DDX42: variants seen among roughly 807,000 people sequenced by gnomAD.
DDX42 encodes ATP-dependent RNA helicase DDX42.
Under a neutral mutation model 101.5 loss-of-function variants are expected in DDX42, and 22 were observed. The ratio of observed to expected loss-of-function variants is 0.22; its 90% CI spans 0.15 to 0.31. DDX42 has a LOEUF of 0.31. Among genes scored for constraint, DDX42 ranks in the 10% least tolerant of loss-of-function variants. The pLI is 1.00. For synonymous variants in DDX42, 402 were observed against 401.2 expected (o/e 1.00, Z -0.02); for missense variants, 849 against 1,199.9 (o/e 0.71, Z 4.32).
Position 63,798,142 on chromosome 17 carries a change from G to C in DDX42, c.434+43G>C, listed in dbSNP as rs756955368. The stretch of plus-strand genomic sequence containing the variant: ...CCCTCACAAAGGTTACGTGAAAACT[G>C]CTGAAGTATTGCAAAGTCTATTCCC... On this transcript the variant is annotated intron_variant, in intron 4 of 17. Transcript: ENST00000389924. 3.8e-6 allele frequency: 6 copies of C among 1,586,758 alleles called. No homozygotes were observed. The East Asian group carries it at 1.1e-4, about 30-fold the overall frequency.
At chr17:63,809,052 G>A in intron 10 of DDX42, 104 bp downstream of exon 10, 1 of 1,472,078 alleles carries the variant, frequency 6.8e-7, no homozygotes, top group Non-Finnish European at 9.2e-7. Flanking sequence ...AAGCAGGGTT[G>A]AAAATATACT....
At chr17:63,813,498 C>A in intron 15 of DDX42, 44 bp downstream of exon 15, 1 of 1,561,660 alleles carries the variant, frequency 6.4e-7, no homozygotes, top group Non-Finnish European at 8.8e-7. Flanking sequence ...GTTATAAGAC[C>A]AAGACATTTT....
chr17:63,787,134 C>A lies in DDX42; in HGVS notation c.85C>A (p.Pro29Thr). ...CATCAGTGCTGGGAAAAAGGAGGAA[C>A]CCAAACTCCCACAGCAGTCCCACAG... Reference protein sequence around the residue: ...FAISAGKKEEPKLPQQSHSAF... With the variant: ...FAISAGKKEETKLPQQSHSAF... The change falls in exon 2 of 18, where the codon CCC (proline) becomes ACC (threonine). Residue 29 changes from proline to threonine, a missense_variant. Pro to Thr is a conservative substitution (Grantham distance 38). Transcript: ENST00000389924. The A allele has an allele frequency of 2.5e-6, 4 of 1,614,186 alleles. No individual in the cohort carries two copies. Among genetic ancestry groups the A allele is most frequent in the Non-Finnish European group, 3.4e-6 (4 of 1,180,046 alleles).
chr17:63,808,919 GA>G lies in DDX42; in HGVS notation c.1124del (p.Glu375GlyfsTer13), dbSNP rs765715778. 1 of 1,614,004 alleles carries G rather than the reference GA, an allele frequency of 6.2e-7. No homozygotes were observed. The highest frequency in any genetic ancestry group is 1.1e-5 in the South Asian group (1 of 91,068). ...GTGGGAGCAGGCCAAGGCCCTTCAG[GA>G]GGGGGCAGAGATTGTTGTGTGTACC... ...SMWEQAKALQ[E>X]GAEIVVCTPG... On this transcript the variant is annotated frameshift_variant, in exon 10 of 18. Transcript: ENST00000389924. LOFTEE classifies it high-confidence loss of function.
chr17:63,806,720 A>G, intron 8 of DDX42, 66 bp downstream of exon 8: 1 of 1,507,374 alleles, frequency 6.6e-7, no homozygotes, highest in Non-Finnish European at 8.9e-7. Context: ...TAATTTAAAA[A>G]CAAATCACAG....
chr17:63,787,018 A>G lies in DDX42; in HGVS notation c.-16-16A>G. On this transcript the variant is annotated splice_polypyrimidine_tract_variant and intron_variant, in intron 1 of 17. Transcript: ENST00000389924. ...TTTTAAGTTTAATTTATATTTGTGT[A>G]TCTTATTCCTAACAGGTCAGTCATT... 3.7e-6 allele frequency: 6 copies of G among 1,612,582 alleles called. No individual in the cohort carries two copies. The highest frequency in any genetic ancestry group is 1.1e-5 in the South Asian group (1 of 90,950).
At chr17:63,787,311 T>C in intron 2 of DDX42, 41 bp downstream of exon 2, 1 of 1,589,096 alleles carries the variant, frequency 6.3e-7, no homozygotes, top group Non-Finnish European at 8.6e-7. Flanking sequence ...GTTTGGACTT[T>C]GATATATTCA....
At chr17:63,786,719 C>G (rs1426217417) in intron 1 of DDX42, among the ~76,000 whole-genome samples, 2 of 152,228 alleles carry the variant, frequency 1.3e-5, no homozygotes, top group African/African-American at 4.8e-5. Context: ...GCTGTGTCGC[C>G]CAGGCTGGAG....
At chr17:63,786,280 C>T (rs1371076070) in intron 1 of DDX42, among the ~76,000 whole-genome samples, 5 of 152,104 alleles carry the variant, frequency 3.3e-5, no homozygotes, top group South Asian at 2.1e-4. Context: ...CTATGTTGCC[C>T]AGGCTGGAAT....
chr17:63,808,466 G>C (rs1227243819), intron 9 of DDX42, among the ~76,000 whole-genome samples: 2 of 152,146 alleles, frequency 1.3e-5, no homozygotes, highest in Admixed American at 6.5e-5. Context: ...GAGCCACTGT[G>C]CCCGGCCAGA....
chr17:63,785,361 A>T (rs2039534389), intron 1 of DDX42, among the ~76,000 whole-genome samples: 1 of 152,098 alleles, frequency 6.6e-6, no homozygotes, highest in South Asian at 2.1e-4. Flanking sequence ...GAGGCATGAG[A>T]ATCACTTGAA....
Position 63,811,991 on chromosome 17 carries a change from C to T in DDX42, c.1458C>T (p.Asn486=), listed in dbSNP as rs912940027. The change falls in exon 14 of 18, where the codon AAC becomes AAT. Residue 486 remains asparagine (N), a synonymous_variant. Transcript: ENST00000389924. ...TCCATTCTGGACCTAGTAAATGGAACTGGCTTACCCGGCGTCTGGTAGAAT... is the reference window on the plus strand; with the variant it reads ...TCCATTCTGGACCTAGTAAATGGAATTGGCTTACCCGGCGTCTGGTAGAAT... ...EILHSGPSKW[N]WLTRRLVEFT... The T allele has an allele frequency of 4.3e-6, 7 of 1,614,082 alleles. No homozygotes were observed. In the Admixed American group the frequency reaches 1.2e-4, roughly 27 times the overall value.
Position 63,818,505 on chromosome 17 carries a change from C to G in DDX42, c.*107C>G, listed in dbSNP as rs2144597505. 1 of 1,000,804 alleles carries G rather than the reference C, an allele frequency of 1.0e-6. No homozygotes were observed. Among genetic ancestry groups the G allele is most frequent in the East Asian group, 2.6e-5 (1 of 38,158 alleles). 62.0% of individuals were successfully genotyped at this position (1,000,804 alleles called of 1,614,324 possible). On this transcript the variant is annotated 3_prime_UTR_variant, in exon 18 of 18. Transcript: ENST00000389924. Reference sequence around the variant, plus strand: ...GGGTCCAAAGTGTAAGGACCCCCTGCCCTTAGTGGAGAGCTGGAGCTTGGA... The same window carrying G: ...GGGTCCAAAGTGTAAGGACCCCCTGGCCTTAGTGGAGAGCTGGAGCTTGGA...
intron 3 of DDX42, among the ~76,000 whole-genome samples, chr17:63,792,924 T>G (rs918255734): frequency 6.6e-6 from 1 of 152,222 alleles, no homozygotes; most frequent in African/African-American, 2.4e-5. Context: ...CTTGCCAAAA[T>G]TATAAATTCT....
chr17:63,808,298 C>T (rs1257690017), intron 9 of DDX42, among the ~76,000 whole-genome samples: 2 of 152,162 alleles, frequency 1.3e-5, no homozygotes, highest in East Asian at 1.9e-4. Context: ...CTGCCTCAGC[C>T]GAGAGGCTGG....
rs1030640938 is a variant in DDX42 at position 63,792,532 on chromosome 17, T to C, written c.342T>C (p.Asp114=). 1 of 1,613,214 alleles carries C rather than the reference T, an allele frequency of 6.2e-7. No individual in the cohort carries two copies. Among genetic ancestry groups the C allele is most frequent in the Non-Finnish European group, 8.5e-7 (1 of 1,179,650 alleles). Residue 114 remains aspartate, a synonymous_variant, in exon 3 of 18, where the codon GAT becomes GAC. Transcript: ENST00000389924. The part of the protein sequence containing the change: ...SKPVDSDSDD[D]PLEAFMAEVE... Reference sequence around the variant, plus strand: ...CAGTAGATTCTGACAGCGATGATGATCCCTTGGAGGCATTCATGGCTGAAG... The same window carrying C: ...CAGTAGATTCTGACAGCGATGATGACCCCTTGGAGGCATTCATGGCTGAAG...
chr17:63,810,877 G>A (rs2039901526), intron 12 of DDX42, among the ~76,000 whole-genome samples, 199 bp from the exon 13 acceptor site: 1 of 152,204 alleles, frequency 6.6e-6, no homozygotes, highest in Non-Finnish European at 1.5e-5. Flanking sequence ...GAACCATACT[G>A]ACAACTTGTC....
intron 6 of DDX42, among the ~76,000 whole-genome samples, chr17:63,803,364 A>T (rs2039796843): frequency 2.0e-5 from 3 of 151,892 alleles, no homozygotes; most frequent in African/African-American, 7.3e-5. Context: ...CAAGGTGGGC[A>T]GATCACTTGA....
chr17:63,780,647 G>T (rs1213186664), intron 1 of DDX42, among the ~76,000 whole-genome samples: 1 of 152,164 alleles, frequency 6.6e-6, no homozygotes, highest in Non-Finnish European at 1.5e-5. Context: ...ACAATGAGCT[G>T]TGTGTTCTAG....
Sources: gnomAD v4.1 joint callset for allele counts (sites outside exome capture counted in the v4.1 genomes callset) on GRCh38, gnomAD v4.1.1 for gene constraint, MANE v1.5 for transcripts, NCBI Gene and HGNC (gene_info 2026-07-23, HGNC 2026-07-21) for gene names.